The following SPAG16 variants were observed in gnomAD, a reference collection of about 807,000 sequenced individuals.
SPAG16 encodes sperm-associated antigen 16 protein.
A neutral mutation model predicts 80.4 loss-of-function variants in SPAG16; 86 were observed. That is an observed-to-expected ratio of 1.07 (90% confidence interval 0.90 to 1.28). The LOEUF is 1.28. Among genes scored for constraint, SPAG16 ranks in the 50% most tolerant of loss-of-function variants. SPAG16 has a pLI of 0.00. For missense variants in SPAG16, 870 were observed against 765.3 expected (o/e 1.14, Z -1.61); for synonymous variants, 294 against 265.9 (o/e 1.11, Z -1.03).
chr2:213,300,006 A>G (rs2062669398), intron 3 of SPAG16, among the ~76,000 whole-genome samples: 1 of 152,150 alleles, frequency 6.6e-6, no homozygotes, highest in African/African-American at 2.4e-5. Context: ...GAGCCTTTTT[A>G]TAAGTGTATT....
intron 9 of SPAG16, among the ~76,000 whole-genome samples, chr2:213,456,626 A>G (rs934437156): frequency 3.3e-5 from 5 of 150,654 alleles, no homozygotes; most frequent in Non-Finnish European, 7.4e-5. Context: ...TTTTTTCCTG[A>G]GTTGTCGGCT....
chr2:213,448,758 A>T (rs1054335264), intron 9 of SPAG16, among the ~76,000 whole-genome samples: 2 of 152,186 alleles, frequency 1.3e-5, no homozygotes, highest in African/African-American at 4.8e-5. Flanking sequence ...TTTAATTTTT[A>T]ATCATGTTAT....
At chr2:213,455,393 TA>T (rs1396041573) in intron 9 of SPAG16, among the ~76,000 whole-genome samples, 2 of 152,174 alleles carry the variant, frequency 1.3e-5, no homozygotes, top group Admixed American at 1.3e-4. Context: ...CTTATCTAGT[TA>T]TATCCTTACT....
rs1404337777 is a variant in SPAG16, at chr2:213,346,994, G to A, written c.645-3534G>A. Among the ~76,000 whole-genome samples, 10 of 152,096 alleles carry A rather than the reference G, an allele frequency of 6.6e-5. 1 individual carries two copies. Among genetic ancestry groups the A allele is most frequent in the Non-Finnish European group, 1.0e-4 (7 of 68,018 alleles). ...CCTCCTTGTACCTCTGGTAGAATTC[G>A]GCTGTGAATCCTTCTGGTCCTGGAC... On this transcript the variant is annotated intron_variant, in intron 6 of 15. Transcript: ENST00000331683.
intron 13 of SPAG16, among the ~76,000 whole-genome samples, chr2:214,024,788 A>G (rs1441973987): frequency 6.6e-6 from 1 of 151,570 alleles, no homozygotes; most frequent in East Asian, 1.9e-4. Context: ...TAGAAAAACT[A>G]TGTTTTTTTG....
chr2:213,903,537 C>T (rs1030044708), intron 11 of SPAG16, among the ~76,000 whole-genome samples: 2 of 152,140 alleles, frequency 1.3e-5, no homozygotes, highest in South Asian at 4.1e-4. Context: ...CTGCAAACAG[C>T]ATGGGGACCC....
Position 213,889,463 on chromosome 2 carries a change from A to C in SPAG16, c.1214+26835A>C, listed in dbSNP as rs554956623. On this transcript the variant is annotated intron_variant, in intron 11 of 15. Transcript: ENST00000331683. ...TTTTTTTTAAATCTATGTGTCTTTT[A>C]AGGTAGGGGAAATAGTAATGCTGAC... Among the ~76,000 whole-genome samples, 3 of 151,378 alleles carry C rather than the reference A, an allele frequency of 2.0e-5. No homozygotes were observed. In the South Asian group the frequency reaches 6.2e-4, roughly 31 times the overall value.
At chr2:213,519,908 G>A (rs550131312) in intron 10 of SPAG16, among the ~76,000 whole-genome samples, 1 of 152,266 alleles carries the variant, frequency 6.6e-6, no homozygotes, top group African/African-American at 2.4e-5. Context: ...TTTTGTAGGT[G>A]TAAACAAGTT....
chr2:213,537,180 G>A (rs1383692961), intron 10 of SPAG16, among the ~76,000 whole-genome samples: 5 of 105,554 alleles, frequency 4.7e-5, no homozygotes, highest in Non-Finnish European at 9.0e-5. Flanking sequence ...GGGGAGGGGG[G>A]AGGGATAGCT....
chr2:213,572,524 G>A lies in SPAG16; in HGVS notation c.1070+82434G>A, dbSNP rs2059950033. On this transcript the variant is annotated intron_variant, in intron 10 of 15. Transcript: ENST00000331683. ...GTGAGGTGTCAGTATGCCCCTGCTG[G>A]GGGGTGCCTCCCAGTTAGGCTGCTT... 2.0e-5 allele frequency among the ~76,000 whole-genome samples: 3 copies of A among 151,970 alleles called. 1 individual carries two copies. The Middle Eastern group carries it at 0.01, about 517-fold the overall frequency.
chr2:214,155,122 C>T (rs1373971763), intron 15 of SPAG16, among the ~76,000 whole-genome samples: 1 of 152,074 alleles, frequency 6.6e-6, no homozygotes, highest in Non-Finnish European at 1.5e-5. Context: ...GGGCAGGGTA[C>T]AGGAGAGTTA....
At chr2:213,325,620 ATGTG>A (rs10534467) in intron 5 of SPAG16, among the ~76,000 whole-genome samples, 179 of 148,850 alleles carry the variant, frequency 1.2e-3, no homozygotes, top group Middle Eastern at 3.4e-3. Context: ...TTGGAAAAAT[ATGTG>A]TGTGTGTGTG....
chr2:213,678,626 T>TACTCTGCAAC (rs2064222130), intron 10 of SPAG16, among the ~76,000 whole-genome samples: 1 of 152,178 alleles, frequency 6.6e-6, no homozygotes, highest in Non-Finnish European at 1.5e-5. Flanking sequence ...CCCTTGGTAT[T>TACTCTGCAAC]TCACTTTCAC....
intron 9 of SPAG16, among the ~76,000 whole-genome samples, chr2:213,437,783 G>C (rs145153305): frequency 6.6e-6 from 1 of 152,122 alleles, no homozygotes; most frequent in Non-Finnish European, 1.5e-5. Context: ...CTCTCCCTGC[G>C]TATTTATATT....
At chr2:214,078,956 T>C (rs2051223785) in intron 13 of SPAG16, among the ~76,000 whole-genome samples, 1 of 152,142 alleles carries the variant, frequency 6.6e-6, no homozygotes, top group African/African-American at 2.4e-5. Context: ...CTTCCTGCAG[T>C]AGAAAAAGGC....
intron 10 of SPAG16, among the ~76,000 whole-genome samples, chr2:213,572,591 G>A (rs531000203): frequency 1.4e-3 from 207 of 152,210 alleles, no homozygotes; most frequent in African/African-American, 4.5e-3. Flanking sequence ...GGCAGTCGGC[G>A]GGTTCTCAGA....
intron 10 of SPAG16, among the ~76,000 whole-genome samples, chr2:213,832,275 C>T (rs912902571): frequency 1.2e-4 from 18 of 152,114 alleles, no homozygotes; most frequent in African/African-American, 4.3e-4. Context: ...GGATTACAGG[C>T]ATGAGCCACC....
At chr2:214,358,612 C>A (rs1050754104) in intron 15 of SPAG16, among the ~76,000 whole-genome samples, 3 of 151,712 alleles carry the variant, frequency 2.0e-5, no homozygotes, top group Admixed American at 1.3e-4. Context: ...GCTTCTCATA[C>A]CACCCCTGTA....
At chr2:214,148,435 T>C (rs533928665) in intron 14 of SPAG16, among the ~76,000 whole-genome samples, 149 of 152,252 alleles carry the variant, frequency 9.8e-4, no homozygotes, top group African/African-American at 3.4e-3. Context: ...TCCTTCTGTT[T>C]TCCTTCCCCT....
Sources: gnomAD v4.1 joint callset for allele counts (sites outside exome capture counted in the v4.1 genomes callset) on GRCh38, gnomAD v4.1.1 for gene constraint, MANE v1.5 for transcripts, NCBI Gene and HGNC (gene_info 2026-07-23, HGNC 2026-07-21) for gene names.